The following METTL21C variants were observed in gnomAD, a reference collection of about 807,000 sequenced individuals.
The protein encoded by METTL21C is protein-lysine methyltransferase METTL21C.
METTL21C carries 21 observed loss-of-function variants against 25.9 expected under a neutral mutation model. The ratio of observed to expected loss-of-function variants is 0.81; its 90% CI spans 0.58 to 1.17. The LOEUF (loss-of-function observed/expected upper bound fraction) is 1.17, where lower values mean the gene tolerates loss of function less well. Among genes scored for constraint, METTL21C ranks in the 50% most tolerant of loss-of-function variants. METTL21C has a pLI of 0.00. For synonymous variants in METTL21C, 125 were observed against 124.7 expected (o/e 1.00, Z -0.01); for missense variants, 312 against 315.1 (o/e 0.99, Z 0.07).
chr13:102,699,273 A>G (rs1885995991), upstream of METTL21C, among the ~76,000 whole-genome samples: 1 of 152,162 alleles, frequency 6.6e-6, no homozygotes, highest in Non-Finnish European at 1.5e-5. Flanking sequence ...TCCTCCAGCT[A>G]TTGCAACTAA....
intron 2 of METTL21C, among the ~76,000 whole-genome samples, chr13:102,688,220 A>G (rs1258782559): frequency 6.6e-6 from 1 of 152,046 alleles, no homozygotes; most frequent in Non-Finnish European, 1.5e-5. Flanking sequence ...GAGACGTGTC[A>G]CTCTTAGGAT....
intron 1 of METTL21C, among the ~76,000 whole-genome samples, chr13:102,691,628 G>T (rs1033579350): frequency 2.0e-5 from 3 of 152,202 alleles, no homozygotes; most frequent in African/African-American, 4.8e-5. Context: ...GATTACAGGC[G>T]TGAGCCACCA....
At position 102,686,938 on chromosome 13, in the gene METTL21C, A is replaced by G; in HGVS notation, c.400+2T>C. The G allele has an allele frequency of 6.2e-7, 1 of 1,610,742 alleles. No homozygotes were observed. Among genetic ancestry groups the G allele is most frequent in the Non-Finnish European group, 8.5e-7 (1 of 1,176,966 alleles). ...TACTAGGTCAGGAATAAACAAACAA[A>G]CCTAAAATACTGGCCACAATGGAAA... On this transcript the variant is annotated splice_donor_variant, in intron 3 of 3. Coordinates refer to ENST00000267273, the MANE Select transcript of METTL21C (RefSeq NM_001010977.3). LOFTEE classifies it high-confidence loss of function.
At chr13:102,699,624 C>T (rs1321666374), upstream of METTL21C, among the ~76,000 whole-genome samples, 2 of 152,314 alleles carry the variant, frequency 1.3e-5, no homozygotes, top group African/African-American at 4.8e-5. Flanking sequence ...GAGACACAGA[C>T]CTTCTTCAAG....
the METTL21C span, among the ~76,000 whole-genome samples, chr13:102,704,272 A>G: frequency 1.3e-5 from 2 of 152,174 alleles, no homozygotes; most frequent in Non-Finnish European, 2.9e-5. Context: ...AATTCTTTCG[A>G]TTATTTCAAG....
Position 102,694,896 on chromosome 13 carries a change from TCTCTCACACA to T in METTL21C, c.-408_-399del, listed in dbSNP as rs1157674933. On this transcript the variant is annotated 5_prime_UTR_variant, in exon 1 of 4. The change creates a premature stop within an existing upstream ORF in the 5' untranslated region. Coordinates refer to ENST00000267273, the MANE Select transcript of METTL21C (RefSeq NM_001010977.3). Reference sequence around the variant, plus strand: ...CTTTCTCTCTCTCTCTCTCTCTCTCTCTCTCACACACACACACACACACACACACACACGC... The same window carrying T: ...CTTTCTCTCTCTCTCTCTCTCTCTCTCACACACACACACACACACACACGC... Among the ~76,000 whole-genome samples the T allele has an allele frequency of 2.1e-5, 3 of 142,394 alleles. No homozygotes were observed. The highest frequency in any genetic ancestry group is 8.0e-5 in the African/African-American group (3 of 37,452). 93.4% of individuals were successfully genotyped at this position (142,394 alleles called of 152,430 possible).
In METTL21C at chr13:102,690,830, C is replaced by T; in HGVS notation, c.265G>A (p.Ala89Thr). 6.2e-7 allele frequency: 1 copy of T among 1,614,162 alleles called. No individual in the cohort carries two copies. The highest frequency in any genetic ancestry group is 2.2e-5 in the East Asian group (1 of 44,860). ...TCTCTCACCCCTGGCCACACCACCG[C>T]TCCGTAACTCTCTATGGATTCCTGG... ...VIQESIESYG[A>T]VVWPGAMALC... Residue 89 changes from alanine to threonine, a missense_variant, in exon 2 of 4, where the codon GCG becomes ACG. Coordinates refer to ENST00000267273, the MANE Select transcript of METTL21C (RefSeq NM_001010977.3).
chr13:102,695,620 T>A (rs1184964346), upstream of METTL21C, among the ~76,000 whole-genome samples: 1 of 152,218 alleles, frequency 6.6e-6, no homozygotes, highest in Admixed American at 6.5e-5. Flanking sequence ...GTCACTATTT[T>A]GTGTTCTTTA....
chr13:102,702,665 G>A, the METTL21C span, among the ~76,000 whole-genome samples: 2 of 151,568 alleles, frequency 1.3e-5, no homozygotes, highest in Non-Finnish European at 2.9e-5. Context: ...TCCACTCACT[G>A]CAGCAACCTC....
At chr13:102,691,984 G>A (rs1885842468) in intron 1 of METTL21C, among the ~76,000 whole-genome samples, 1 of 152,162 alleles carries the variant, frequency 6.6e-6, no homozygotes, top group Non-Finnish European at 1.5e-5. Context: ...GTGGAAGAAG[G>A]AGCAGGAGCA....
upstream of METTL21C, among the ~76,000 whole-genome samples, chr13:102,697,516 A>T (rs1595248406): frequency 6.6e-6 from 1 of 152,174 alleles, no homozygotes; most frequent in East Asian, 1.9e-4. Context: ...ATGAAGGGTA[A>T]ACCACAATTA....
At chr13:102,703,430 T>G in the METTL21C span, among the ~76,000 whole-genome samples, 1 of 152,378 alleles carries the variant, frequency 6.6e-6, no homozygotes, top group African/African-American at 2.4e-5. Context: ...GTTTGCTTTT[T>G]GTTGTCTTTC....
intron 3 of METTL21C, 45 bp downstream of exon 3, chr13:102,686,895 T>C (rs1446599469): frequency 6.8e-7 from 1 of 1,471,782 alleles, no homozygotes. Context: ...GCTATTGTTG[T>C]TACAGTAAAG....
At chr13:102,690,597 G>A (rs923346742) in intron 2 of METTL21C, among the ~76,000 whole-genome samples, 3 of 151,866 alleles carry the variant, frequency 2.0e-5, no homozygotes, top group East Asian at 3.9e-4. Flanking sequence ...ATAATGTTTC[G>A]AGAAACAGAG....
chr13:102,699,019 A>T (rs1885991430), upstream of METTL21C, among the ~76,000 whole-genome samples: 1 of 152,140 alleles, frequency 6.6e-6, no homozygotes, highest in Admixed American at 6.5e-5. Flanking sequence ...AAAGATTCCG[A>T]GTGCTCTTAG....
In METTL21C at chr13:102,694,447, G is replaced by A; in HGVS notation, c.52C>T (p.Leu18Phe). ...TCTAACCAGCCACCCGGGGAGCTGA[G>A]TCCTTCCCCCCGGCGCCCAGGCTGC... ...AQQPGRRGEG[L>F]SSPGGWLEAE... Residue 18 changes from leucine (L) to phenylalanine (F), a missense_variant, in exon 1 of 4, where the codon CTC becomes TTC. Transcript: ENST00000267273. The A allele has an allele frequency of 6.2e-7, 1 of 1,609,448 alleles. No homozygotes were observed. The highest frequency in any genetic ancestry group is 8.5e-7 in the Non-Finnish European group (1 of 1,178,228).
rs778005582 is a variant in METTL21C at position 102,694,353 on chromosome 13, T to A, written c.130+16A>T. On this transcript the variant is annotated intron_variant, in intron 1 of 3. Coordinates refer to ENST00000267273, the MANE Select transcript of METTL21C (RefSeq NM_001010977.3). ...CAACTGAGGAAAACTGTTGAAGTGA[T>A]GAAGAAGGAGGTTACCTTCTAGGAC... is the stretch of plus-strand genomic sequence containing the variant. 7.5e-6 allele frequency: 12 copies of A among 1,599,440 alleles called. No individual in the cohort carries two copies. Among genetic ancestry groups the A allele is most frequent in the Non-Finnish European group, 1.0e-5 (12 of 1,171,764 alleles).
Position 102,686,057 on chromosome 13 carries a change from A to G in METTL21C, c.769T>C (p.Phe257Leu), listed in dbSNP as rs1156765625. 6.3e-7 allele frequency: 1 copy of G among 1,591,388 alleles called. No individual in the cohort carries two copies. The highest frequency in any genetic ancestry group is 1.1e-5 in the South Asian group (1 of 88,118). The change falls in exon 4 of 4, where the codon TTT becomes CTT. Residue 257 changes from phenylalanine to leucine, a missense_variant. Phe to Leu is a conservative substitution (Grantham distance 22). Coordinates refer to ENST00000267273, the MANE Select transcript of METTL21C (RefSeq NM_001010977.3). ...AEYPESSVKL[F>L]KGILKWD Reference sequence around the variant, plus strand: ...TAGTCCCATTTTAGTATCCCCTTAAAAAGTTTGACTGATGACTCTGGATAT... The same window carrying G: ...TAGTCCCATTTTAGTATCCCCTTAAGAAGTTTGACTGATGACTCTGGATAT...
intron 2 of METTL21C, among the ~76,000 whole-genome samples, chr13:102,690,387 C>A (rs1457851391): frequency 6.6e-6 from 1 of 150,402 alleles, no homozygotes; most frequent in Non-Finnish European, 1.5e-5. Flanking sequence ...TGTCACTGCA[C>A]TCCAGCCTGG....
Sources: allele counts gnomAD v4.1 joint callset (sites outside exome capture counted in the v4.1 genomes callset), GRCh38; gene constraint gnomAD v4.1.1; transcripts MANE v1.5; gene names NCBI Gene and HGNC (gene_info 2026-07-23, HGNC 2026-07-21).